Variants in MTA3 observed in about 807,000 individuals in gnomAD.
MTA3 encodes the protein metastasis-associated protein MTA3.
Under a neutral mutation model 83.5 loss-of-function variants are expected in MTA3, and 34 were observed. That is an observed-to-expected ratio of 0.41 (90% CI 0.31 to 0.54). The LOEUF (loss-of-function observed/expected upper bound fraction) is 0.54, where lower values mean the gene tolerates loss of function less well. MTA3 is among the 20% of genes least tolerant of loss of function. The pLI is 0.33. For missense variants in MTA3, 761 were observed against 726.4 expected, an observed-to-expected ratio of 1.05 and a Z score of -0.55; for synonymous variants, 303 against 252.7, an observed-to-expected ratio of 1.20 and a Z score of -1.89.
intron 12 of MTA3, among the ~76,000 whole-genome samples, chr2:42,707,353 A>G (rs974455723): frequency 3.3e-5 from 5 of 151,268 alleles, no homozygotes; most frequent in African/African-American, 7.3e-5. Context: ...AAGCAATTCT[A>G]CTGCCTCAGC....
chr2:42,588,764 TACAG>T (rs1400959107), intron 3 of MTA3, among the ~76,000 whole-genome samples: 2 of 151,866 alleles, frequency 1.3e-5, no homozygotes, highest in African/African-American at 4.8e-5. Flanking sequence ...TGTATAAATA[TACAG>T]ACACATATGT....
At chr2:42,616,127 C>T (rs1295661483) in intron 4 of MTA3, among the ~76,000 whole-genome samples, 1 of 151,430 alleles carries the variant, frequency 6.6e-6, no homozygotes, top group East Asian at 1.9e-4. Context: ...GTGGTGTGAT[C>T]TCGGCTCACT....
chr2:42,711,116 T>TA (rs1179210976), intron 14 of MTA3, among the ~76,000 whole-genome samples: 2 of 152,098 alleles, frequency 1.3e-5, no homozygotes, highest in Non-Finnish European at 2.9e-5. Flanking sequence ...GTAAAACATT[T>TA]AAGAATGAAA....
intron 2 of MTA3, among the ~76,000 whole-genome samples, chr2:42,553,234 G>C (rs1335344427): frequency 6.6e-6 from 1 of 151,712 alleles, no homozygotes; most frequent in Admixed American, 6.6e-5. Context: ...GACAATCCTG[G>C]CTAACGCGGT....
At chr2:42,707,265 A>G (rs933860740) in intron 12 of MTA3, among the ~76,000 whole-genome samples, 1 of 149,128 alleles carries the variant, frequency 6.7e-6, no homozygotes, top group African/African-American at 2.5e-5. Flanking sequence ...TTCTTTTGAG[A>G]TGGAGCCTCA....
intron 16 of MTA3, among the ~76,000 whole-genome samples, chr2:42,730,499 G>T: frequency 6.6e-6 from 1 of 152,188 alleles, no homozygotes; most frequent in East Asian, 1.9e-4. Context: ...TTCAGTTGAT[G>T]TGATATATTA....
intron 2 of MTA3, among the ~76,000 whole-genome samples, chr2:42,532,077 A>C (rs563589258): frequency 3.9e-5 from 6 of 152,240 alleles, no homozygotes; most frequent in Non-Finnish European, 7.3e-5. Context: ...TTTTAATGCT[A>C]CAATTATGAG....
intron 10 of MTA3, among the ~76,000 whole-genome samples, chr2:42,696,513 G>A (rs988768639): frequency 7.9e-5 from 12 of 152,036 alleles, no homozygotes; most frequent in African/African-American, 2.4e-4. Flanking sequence ...TGATAAAAAG[G>A]CAAATATATT....
chr2:42,669,860 T>C (rs1459787408), intron 8 of MTA3, among the ~76,000 whole-genome samples: 1 of 152,196 alleles, frequency 6.6e-6, no homozygotes, highest in Non-Finnish European at 1.5e-5. Context: ...GCACTGTAGA[T>C]TTGAACTTGG....
chr2:42,497,935 G>C (rs1260062392), intron 2 of MTA3, among the ~76,000 whole-genome samples: 2 of 152,170 alleles, frequency 1.3e-5, no homozygotes, highest in African/African-American at 2.4e-5. Flanking sequence ...CAACAACAGA[G>C]TAACCTGAAA....
rs1235317827 is a variant in MTA3 at position 42,671,923 on chromosome 2, G to A, written c.703-10478G>A. Among the ~76,000 whole-genome samples, 8 of 152,146 alleles carry A rather than the reference G, an allele frequency of 5.3e-5. No individual in the cohort carries two copies. In the East Asian group the frequency reaches 7.7e-4, roughly 15 times the overall value. On this transcript the variant is annotated intron_variant, in intron 8 of 16. Transcript: ENST00000405094. Reference sequence around the variant, plus strand: ...AAAAAGGAAACTTGCTGTTTGGCTCGATTTCACCTTATAGCAGTCTAGAAA... The same window carrying A: ...AAAAAGGAAACTTGCTGTTTGGCTCAATTTCACCTTATAGCAGTCTAGAAA...
intron 9 of MTA3, among the ~76,000 whole-genome samples, chr2:42,687,224 C>G (rs567099125): frequency 6.6e-6 from 1 of 152,326 alleles, no homozygotes; most frequent in South Asian, 2.1e-4. Flanking sequence ...ATACCCTAGC[C>G]CTAATCCTGG....
intron 14 of MTA3, among the ~76,000 whole-genome samples, chr2:42,711,652 A>T (rs1452100970): frequency 6.6e-6 from 1 of 152,132 alleles, no homozygotes; most frequent in East Asian, 1.9e-4. Context: ...TTCTGTTCTT[A>T]TACTTACCTT....
chr2:42,605,667 G>GC (rs1683213622), intron 3 of MTA3, among the ~76,000 whole-genome samples: 1 of 103,328 alleles, frequency 9.7e-6, no homozygotes, highest in Non-Finnish European at 2.1e-5. Context: ...GCGGGGGGCT[G>GC]ACCCCCCCAC....
chr2:42,558,581 AGT>A (rs1415957060), intron 2 of MTA3, among the ~76,000 whole-genome samples: 1 of 138,742 alleles, frequency 7.2e-6, no homozygotes, highest in African/African-American at 2.7e-5. Flanking sequence ...TTTGAGACAG[AGT>A]CTCACTCTCT....
At chr2:42,663,974 G>A (rs1689978567) in intron 8 of MTA3, among the ~76,000 whole-genome samples, 1 of 152,116 alleles carries the variant, frequency 6.6e-6, no homozygotes, top group Non-Finnish European at 1.5e-5. Flanking sequence ...CAGAGGCTCA[G>A]GAAGTGGTGT....
chr2:42,571,706 G>C (rs1262730778), intron 2 of MTA3, among the ~76,000 whole-genome samples: 2 of 152,158 alleles, frequency 1.3e-5, no homozygotes, highest in Non-Finnish European at 2.9e-5. Flanking sequence ...CCAGCACTTT[G>C]GGAGGTCGAG....
chr2:42,704,517 A>T (rs889584899), intron 12 of MTA3, among the ~76,000 whole-genome samples, 199 bp downstream of exon 12: 1 of 152,032 alleles, frequency 6.6e-6, no homozygotes, highest in Non-Finnish European at 1.5e-5. Context: ...CGTACCACAC[A>T]CTCAAGTTAG....
At chr2:42,731,572 C>T (rs191500703) in intron 16 of MTA3, among the ~76,000 whole-genome samples, 206 of 152,150 alleles carry the variant, frequency 1.4e-3, no homozygotes, top group African/African-American at 2.7e-3. Context: ...TGGGAAAGAC[C>T]GACCCCCATG....
Sources: gnomAD v4.1 joint callset for allele counts (sites outside exome capture counted in the v4.1 genomes callset) on GRCh38, gnomAD v4.1.1 for gene constraint, MANE v1.5 for transcripts, NCBI Gene and HGNC (gene_info 2026-07-23, HGNC 2026-07-21) for gene names.